The following FRMD6 variants were observed in gnomAD, a reference collection of about 807,000 sequenced individuals.
FRMD6 encodes FERM domain-containing protein 6.
A neutral mutation model predicts 73.2 loss-of-function variants in FRMD6; 37 were observed. That is an observed-to-expected ratio of 0.51 (90% CI 0.39 to 0.66). The LOEUF is 0.66. FRMD6 is among the 30% of genes least tolerant of loss of function. The pLI is 0.00. For missense variants in FRMD6, 714 were observed against 780.5 expected (o/e 0.91, Z 1.02); for synonymous variants, 273 against 282.2 (o/e 0.97, Z 0.33).
At chr14:51,457,308 C>G in the FRMD6 span, among the ~76,000 whole-genome samples, 1 of 150,770 alleles carries the variant, frequency 6.6e-6, no homozygotes, top group Admixed American at 6.6e-5. Flanking sequence ...AAAACATAGG[C>G]AATAACAAAT....
At chr14:51,510,657 A>G (rs1464748842) in intron 1 of FRMD6, among the ~76,000 whole-genome samples, 3 of 152,304 alleles carry the variant, frequency 2.0e-5, no homozygotes, top group Non-Finnish European at 4.4e-5. Flanking sequence ...AAATCTGAAT[A>G]CATAAACTTA....
At chr14:51,596,187 C>T (rs1295177430) in intron 2 of FRMD6, among the ~76,000 whole-genome samples, 7 of 151,882 alleles carry the variant, frequency 4.6e-5, no homozygotes, top group African/African-American at 1.7e-4. Flanking sequence ...TCAACCCATG[C>T]TTCACATCAG....
intron 2 of FRMD6, among the ~76,000 whole-genome samples, chr14:51,582,531 C>A (rs1172488260): frequency 6.6e-6 from 1 of 152,186 alleles, no homozygotes; most frequent in Non-Finnish European, 1.5e-5. Flanking sequence ...AAGCTACAAG[C>A]CTTCCCACTA....
chr14:51,630,031 T>C (rs1594626275), intron 2 of FRMD6, among the ~76,000 whole-genome samples: 1 of 152,148 alleles, frequency 6.6e-6, no homozygotes, highest in Non-Finnish European at 1.5e-5. Context: ...TCTCCTCTGC[T>C]CCAGCATATT....
chr14:51,526,937 T>C (rs532490716), intron 1 of FRMD6, among the ~76,000 whole-genome samples: 1 of 152,362 alleles, frequency 6.6e-6, no homozygotes, highest in East Asian at 1.9e-4. Flanking sequence ...TGAAGACATA[T>C]TACTAAATAC....
At chr14:51,533,174 A>G (rs1885688413) in intron 1 of FRMD6, among the ~76,000 whole-genome samples, 1 of 152,200 alleles carries the variant, frequency 6.6e-6, no homozygotes, top group African/African-American at 2.4e-5. Context: ...GAGGAATTAC[A>G]ATGCCAGATG....
At chr14:51,681,603 A>G (rs1196334017) in intron 1 of FRMD6, among the ~76,000 whole-genome samples, 1 of 152,162 alleles carries the variant, frequency 6.6e-6, no homozygotes, top group Non-Finnish European at 1.5e-5. Flanking sequence ...TTAACAGCCT[A>G]TTATGCTGCC....
At chr14:51,424,298 G>C in the FRMD6 span, among the ~76,000 whole-genome samples, 2 of 152,162 alleles carry the variant, frequency 1.3e-5, no homozygotes, top group Non-Finnish European at 2.9e-5. Flanking sequence ...GTACTGAGAT[G>C]ACCACCCAAG....
chr14:51,558,115 A>T (rs114478745), intron 1 of FRMD6, among the ~76,000 whole-genome samples: 1,872 of 152,066 alleles, frequency 0.012, 32 homozygotes, highest in African/African-American at 0.042. Flanking sequence ...TGAATTCCTT[A>T]AAAAAATGTT....
chr14:51,509,152 C>G (rs928147238), intron 1 of FRMD6, among the ~76,000 whole-genome samples: 1 of 152,178 alleles, frequency 6.6e-6, no homozygotes, highest in Non-Finnish European at 1.5e-5. Context: ...AAAAATCAAT[C>G]TTGATACTTT....
At chr14:51,719,822 C>T (rs1221823633) in intron 10 of FRMD6, among the ~76,000 whole-genome samples, 1 of 152,238 alleles carries the variant, frequency 6.6e-6, no homozygotes, top group Non-Finnish European at 1.5e-5. Context: ...TCTTCTTATA[C>T]TGCTTGAAGC....
At chr14:51,419,384 G>A in the FRMD6 span, among the ~76,000 whole-genome samples, 3 of 152,138 alleles carry the variant, frequency 2.0e-5, no homozygotes, top group Non-Finnish European at 4.4e-5. Context: ...TCTTGACCTC[G>A]TGATCTGCCT....
chr14:51,528,916 T>C (rs532512240), intron 1 of FRMD6, among the ~76,000 whole-genome samples: 2 of 152,322 alleles, frequency 1.3e-5, no homozygotes, highest in East Asian at 3.9e-4. Context: ...TAAGGCTCAG[T>C]AGAGCTTTCC....
chr14:51,504,208 A>G (rs750391234), intron 1 of FRMD6, among the ~76,000 whole-genome samples: 11 of 152,222 alleles, frequency 7.2e-5, no homozygotes, highest in Non-Finnish European at 1.3e-4. Flanking sequence ...TGCTGGGGTC[A>G]GCTCCAGACC....
intron 9 of FRMD6, 113 bp downstream of exon 9, chr14:51,712,664 GTTA>G (rs1897008624): frequency 4.3e-6 from 3 of 698,206 alleles, no homozygotes; most frequent in Non-Finnish European, 7.5e-6. Context: ...CACAAAAGCT[GTTA>G]TTTTTAAGAA....
chr14:51,469,608 A>G, the FRMD6 span, among the ~76,000 whole-genome samples: 5 of 118,534 alleles, frequency 4.2e-5, no homozygotes, highest in South Asian at 3.2e-4. Context: ...GCGAGACTCC[A>G]TTTCAAAAAG....
chr14:51,624,596 T>G (rs1326391244), intron 2 of FRMD6, among the ~76,000 whole-genome samples: 2 of 152,184 alleles, frequency 1.3e-5, no homozygotes, highest in Non-Finnish European at 2.9e-5. Flanking sequence ...GATCTCATTG[T>G]GGAATTTCTA....
chr14:51,471,370 A>G, the FRMD6 span, among the ~76,000 whole-genome samples: 48 of 151,974 alleles, frequency 3.2e-4, no homozygotes, highest in Admixed American at 1.8e-3. Flanking sequence ...GCGTGGTGGC[A>G]GGCGCCTGTA....
At chr14:51,511,805 C>G (rs1884327388) in intron 1 of FRMD6, among the ~76,000 whole-genome samples, 2 of 151,824 alleles carry the variant, frequency 1.3e-5, no homozygotes, top group Admixed American at 6.6e-5. Context: ...CAGCAAACCA[C>G]CATGGCATGT....
Sources: allele counts gnomAD v4.1 joint callset (sites outside exome capture counted in the v4.1 genomes callset), GRCh38; gene constraint gnomAD v4.1.1; transcripts MANE v1.5; gene names NCBI Gene and HGNC (gene_info 2026-07-23, HGNC 2026-07-21).